ARHGAP21: variants seen among roughly 807,000 people sequenced by gnomAD.
The protein encoded by ARHGAP21 is rho GTPase-activating protein 21.
In ARHGAP21, 38 loss-of-function variants were observed where a neutral mutation model predicts 164.6. The ratio of observed to expected loss-of-function variants is 0.23; its 90% CI spans 0.18 to 0.30. ARHGAP21 has a LOEUF of 0.30. Among genes scored for constraint, ARHGAP21 ranks in the 10% least tolerant of loss-of-function variants. The pLI is 1.00. For missense variants in ARHGAP21, 1,822 were observed against 2,370.7 expected (o/e 0.77, Z 4.81); for synonymous variants, 766 against 857.9 (o/e 0.89, Z 1.87).
chr10:24,585,534 T>C lies in ARHGAP21; in HGVS notation c.4755A>G (p.Ser1585=). 1 of 1,614,202 alleles carries C rather than the reference T, an allele frequency of 6.2e-7. No homozygotes were observed. The highest frequency in any genetic ancestry group is 8.5e-7 in the Non-Finnish European group (1 of 1,180,038). ...TAGCAGACGATGTGGTGGAATAATC[T>C]GAGGTGATGGTGCTGACGTTGGCCA... ...EFLANVSTIT[S]DYSTTSSATY... The change falls in exon 26 of 26, where the codon TCA becomes TCG. Residue 1585 remains serine, a synonymous_variant. Transcript: ENST00000396432.
At chr10:24,713,246 T>G (rs1472139034) in intron 2 of ARHGAP21, among the ~76,000 whole-genome samples, 1 of 152,132 alleles carries the variant, frequency 6.6e-6, no homozygotes, top group Non-Finnish European at 1.5e-5. Flanking sequence ...GTTGTGGGAT[T>G]ATAAACAGTG....
Position 24,620,183 on chromosome 10 carries a change from C to G in ARHGAP21, c.1712G>C (p.Arg571Pro). Reference sequence around the variant, plus strand: ...AGATCCCACTCCTCTACCACTCATTCGCCTGTTATCAGAATTAACAACGCT... The same window carrying G: ...AGATCCCACTCCTCTACCACTCATTGGCCTGTTATCAGAATTAACAACGCT... ...APSVVNSDNRRMSGRGVGSVS... is the reference protein window; with the variant it reads ...APSVVNSDNRPMSGRGVGSVS... Residue 571 changes from arginine to proline, a missense_variant, in exon 9 of 26, where the codon CGA (arginine) becomes CCA (proline). By Grantham distance (103) the Arg-to-Pro change is moderately radical. This residue lies in a region of ARHGAP21 where 1,090 missense variants were observed against 1,378.9 expected (regional missense o/e 0.79). Transcript: ENST00000396432. 1.2e-6 allele frequency: 2 copies of G among 1,613,932 alleles called. No homozygotes were observed. Among genetic ancestry groups the G allele is most frequent in the Non-Finnish European group, 1.7e-6 (2 of 1,179,864 alleles).
chr10:24,590,309 T>G, intron 24 of ARHGAP21: 1 of 1,534,822 alleles, frequency 6.5e-7, no homozygotes, highest in African/African-American at 1.4e-5. Context: ...ATGAGAAACT[T>G]TACACCACAG....
chr10:24,612,317 A>G (rs2077298664), intron 9 of ARHGAP21, among the ~76,000 whole-genome samples: 1 of 152,200 alleles, frequency 6.6e-6, no homozygotes, highest in African/African-American at 2.4e-5. Flanking sequence ...TATATATTGC[A>G]AAAAGAGGGG....
At chr10:24,648,889 A>G (rs1336519915) in intron 4 of ARHGAP21, 1 of 984,304 alleles carries the variant, frequency 1.0e-6, no homozygotes, top group Non-Finnish European at 1.2e-6. Context: ...CTAGTCAGTC[A>G]GAAGACAACC....
chr10:24,615,253 T>C (rs142553213), intron 9 of ARHGAP21, among the ~76,000 whole-genome samples: 3 of 152,282 alleles, frequency 2.0e-5, no homozygotes, highest in African/African-American at 4.8e-5. Context: ...TCTAAAATTA[T>C]TTATTGGTGG....
At chr10:24,625,009 C>T (rs930863791) in intron 7 of ARHGAP21, among the ~76,000 whole-genome samples, 1 of 120,490 alleles carries the variant, frequency 8.3e-6, no homozygotes, top group Non-Finnish European at 1.6e-5. Context: ...CCTTCCCTAA[C>T]AGCCCTGTTT....
Position 24,641,872 on chromosome 10 carries a change from C to T in ARHGAP21, c.269-6769G>A, listed in dbSNP as rs374562736. On this transcript the variant is annotated intron_variant, in intron 4 of 25. Transcript: ENST00000396432. ...ATTAGCCGGGCATTGTGGCACATCC[C>T]TATAATGCCAGCTACTTGGGAGGCT... Among the ~76,000 whole-genome samples the T allele has an allele frequency of 7.0e-3, 1,063 of 152,102 alleles. 11 individuals are homozygous for T. The highest frequency in any genetic ancestry group is 0.024 in the African/African-American group (999 of 41,476).
At chr10:24,610,556 TG>T (rs1183046442) in intron 9 of ARHGAP21, among the ~76,000 whole-genome samples, 2 of 152,062 alleles carry the variant, frequency 1.3e-5, no homozygotes, top group Admixed American at 6.6e-5. Flanking sequence ...TGGAAAACAA[TG>T]TTTTCCAAAA....
chr10:24,694,164 C>G (rs938634217), intron 2 of ARHGAP21, among the ~76,000 whole-genome samples: 1 of 152,186 alleles, frequency 6.6e-6, no homozygotes, highest in Non-Finnish European at 1.5e-5. Context: ...ATTCAACTCA[C>G]CCATACCCCC....
intron 2 of ARHGAP21, among the ~76,000 whole-genome samples, chr10:24,697,110 T>C (rs180937318): frequency 4.7e-4 from 71 of 152,096 alleles, no homozygotes; most frequent in Non-Finnish European, 8.1e-4. Flanking sequence ...TAACAAAACA[T>C]GTTCCTAGGG....
At chr10:24,662,128 C>A (rs1295680344) in intron 4 of ARHGAP21, among the ~76,000 whole-genome samples, 2 of 152,162 alleles carry the variant, frequency 1.3e-5, no homozygotes, top group African/African-American at 2.4e-5. Flanking sequence ...GTGTTCACAG[C>A]CTCTAAACCT....
intron 2 of ARHGAP21, among the ~76,000 whole-genome samples, chr10:24,715,589 A>C (rs560680611): frequency 2.7e-4 from 41 of 152,366 alleles, no homozygotes; most frequent in African/African-American, 8.9e-4. Context: ...AAGGTAAAAA[A>C]GGTGCAAAGA....
intron 14 of ARHGAP21, 129 bp from the exon 15 acceptor site, chr10:24,598,138 G>T: frequency 1.4e-6 from 1 of 691,726 alleles, no homozygotes; most frequent in Non-Finnish European, 2.3e-6. Context: ...TCTCAGTGGA[G>T]CTGTTTCAAA....
At chr10:24,691,249 T>C (rs1344062011) in intron 2 of ARHGAP21, among the ~76,000 whole-genome samples, 1 of 152,066 alleles carries the variant, frequency 6.6e-6, no homozygotes, top group Non-Finnish European at 1.5e-5. Context: ...AACATCAGAG[T>C]TGGTCCAGCT....
At chr10:24,645,711 T>A (rs1837502179) in intron 4 of ARHGAP21, among the ~76,000 whole-genome samples, 1 of 152,206 alleles carries the variant, frequency 6.6e-6, no homozygotes. Flanking sequence ...AGAGCCTGTA[T>A]TCTACATATA....
intron 4 of ARHGAP21, among the ~76,000 whole-genome samples, chr10:24,638,880 T>C (rs1246511348): frequency 2.0e-5 from 3 of 152,188 alleles, no homozygotes; most frequent in African/African-American, 7.2e-5. Context: ...TAATATATAA[T>C]TAGTACTGAC....
intron 11 of ARHGAP21, 136 bp downstream of exon 11, chr10:24,607,363 A>T: frequency 2.7e-6 from 2 of 733,298 alleles, no homozygotes; most frequent in South Asian, 4.1e-5. Context: ...GTTACCATTA[A>T]CAACTTTATT....
Position 24,604,244 on chromosome 10 carries a change from A to C in ARHGAP21, c.2721+68T>G. 8 of 1,041,488 alleles carry C rather than the reference A, an allele frequency of 7.7e-6. No homozygotes were observed. The South Asian group carries it at 1.6e-4, about 20-fold the overall frequency. The allele number at this position is 1,041,488 out of a possible 1,614,324, so 64.5% of individuals were successfully genotyped here. On this transcript the variant is annotated intron_variant, in intron 12 of 25. Transcript: ENST00000396432. Reference sequence around the variant, plus strand: ...TATAATATTTAAATATTAAATGTCTACTGGGTAAAAGAAGTACTTCTCTAT... The same window carrying C: ...TATAATATTTAAATATTAAATGTCTCCTGGGTAAAAGAAGTACTTCTCTAT...
Sources: gnomAD v4.1 joint callset for allele counts (sites outside exome capture counted in the v4.1 genomes callset) on GRCh38, gnomAD v4.1.1 for gene constraint, gnomAD v4.1.1 regional missense constraint, MANE v1.5 for transcripts, NCBI Gene and HGNC (gene_info 2026-07-23, HGNC 2026-07-21) for gene names.